Variants in RGS22 observed in about 807,000 individuals in gnomAD.
RGS22 encodes the protein regulator of G-protein signaling 22.
RGS22 carries 148 observed loss-of-function variants against 172.9 expected under a neutral mutation model. The observed-to-expected ratio is 0.86, with a 90% CI of 0.75 to 0.98. RGS22 has a LOEUF of 0.98. Ranked by LOEUF, RGS22 falls within the 50% of genes least tolerant of loss-of-function variation. The pLI, the probability that RGS22 is intolerant of heterozygous loss-of-function variation, is 0.00. For missense variants in RGS22, 1,347 were observed against 1,440.8 expected (o/e 0.93, Z 1.05); for synonymous variants, 458 against 480.2 (o/e 0.95, Z 0.60).
chr8:100,093,735 T>C (rs1007385818), intron 2 of RGS22, among the ~76,000 whole-genome samples: 1 of 152,184 alleles, frequency 6.6e-6, no homozygotes. Context: ...GGGCATACTC[T>C]TAAAACACTT....
chr8:100,057,172 G>A (rs779485852), intron 9 of RGS22, among the ~76,000 whole-genome samples: 10 of 152,158 alleles, frequency 6.6e-5, no homozygotes, highest in African/African-American at 1.4e-4. Context: ...TAGCCCTTTC[G>A]TTTTGGCCAA....
At chr8:99,992,401 A>G (rs1813853966) in intron 20 of RGS22, among the ~76,000 whole-genome samples, 1 of 152,248 alleles carries the variant, frequency 6.6e-6, no homozygotes, top group Non-Finnish European at 1.5e-5. Flanking sequence ...ACATAGGTTA[A>G]AAATAAAGGG....
chr8:100,029,759 A>G (rs1818592446), intron 14 of RGS22, among the ~76,000 whole-genome samples: 2 of 151,748 alleles, frequency 1.3e-5, no homozygotes, highest in Admixed American at 1.3e-4. Flanking sequence ...ATACCTATGT[A>G]AAAAACCTGC....
chr8:100,082,690 A>C (rs1811852067), intron 3 of RGS22, among the ~76,000 whole-genome samples: 1 of 152,244 alleles, frequency 6.6e-6, no homozygotes, highest in Non-Finnish European at 1.5e-5. Flanking sequence ...TCCCAAAGAC[A>C]GAACATTTCC....
At chr8:100,055,560 A>G (rs1822154674) in intron 9 of RGS22, among the ~76,000 whole-genome samples, 1 of 152,186 alleles carries the variant, frequency 6.6e-6, no homozygotes, top group African/African-American at 2.4e-5. Context: ...TATCTACCTC[A>G]TATGGTTTGG....
chr8:100,097,245 C>T (rs1813048804), intron 2 of RGS22, among the ~76,000 whole-genome samples: 1 of 152,136 alleles, frequency 6.6e-6, no homozygotes, highest in South Asian at 2.1e-4. Context: ...TTGGATTACA[C>T]AAGTGTATAC....
At chr8:99,976,061 G>C (rs960564202) in intron 23 of RGS22, among the ~76,000 whole-genome samples, 20 of 152,128 alleles carry the variant, frequency 1.3e-4, no homozygotes, top group Admixed American at 1.2e-3. Context: ...ATGGTGGCAT[G>C]TGCCTGTAGT....
At chr8:100,083,651 C>A (rs1457399350) in intron 3 of RGS22, among the ~76,000 whole-genome samples, 2 of 151,868 alleles carry the variant, frequency 1.3e-5, no homozygotes, top group Admixed American at 1.3e-4. Flanking sequence ...CAGGCATAAG[C>A]CACTGTGCCC....
chr8:100,040,982 A>G (rs1432988690), intron 12 of RGS22, among the ~76,000 whole-genome samples: 4 of 152,190 alleles, frequency 2.6e-5, no homozygotes, highest in Admixed American at 1.3e-4. Flanking sequence ...ATTTTAGTAG[A>G]AAAAAACAGT....
chr8:99,972,552 C>T (rs555705777), intron 23 of RGS22, among the ~76,000 whole-genome samples: 9 of 152,224 alleles, frequency 5.9e-5, no homozygotes, highest in Middle Eastern at 6.8e-3. Flanking sequence ...AACAAATTTA[C>T]AGGGAAAAAA....
At chr8:99,975,678 T>G (rs1235942043) in intron 23 of RGS22, among the ~76,000 whole-genome samples, 1 of 152,066 alleles carries the variant, frequency 6.6e-6, no homozygotes, top group Non-Finnish European at 1.5e-5. Context: ...TACATCTTTG[T>G]GCATGTTTAT....
intron 4 of RGS22, among the ~76,000 whole-genome samples, chr8:100,074,777 G>GT (rs1044596997): frequency 6.0e-5 from 9 of 151,182 alleles, no homozygotes; most frequent in African/African-American, 1.2e-4. Context: ...GTTTTTTGTG[G>GT]TTTTTTTTGA....
intron 11 of RGS22, among the ~76,000 whole-genome samples, chr8:100,043,817 C>G (rs1201308814): frequency 2.0e-5 from 3 of 150,900 alleles, no homozygotes; most frequent in African/African-American, 7.3e-5. Flanking sequence ...ACCACAAAAA[C>G]AACAAAAATC....
intron 14 of RGS22, among the ~76,000 whole-genome samples, chr8:100,035,019 C>G (rs576842110): frequency 1.3e-4 from 20 of 151,990 alleles, no homozygotes; most frequent in Non-Finnish European, 2.5e-4. Flanking sequence ...AGAAAACATA[C>G]GCAATACCAT....
At chr8:100,022,438 GA>G (rs1308234119) in intron 14 of RGS22, among the ~76,000 whole-genome samples, 2 of 151,792 alleles carry the variant, frequency 1.3e-5, no homozygotes, top group African/African-American at 4.8e-5. Flanking sequence ...ACAAACCAGG[GA>G]CAAAAAAGGC....
intron 2 of RGS22, among the ~76,000 whole-genome samples, chr8:100,096,969 C>T (rs947733461): frequency 1.3e-5 from 2 of 152,038 alleles, no homozygotes; most frequent in Admixed American, 6.5e-5. Context: ...GAAGGAAAGA[C>T]GTTATCTGGT....
chr8:100,054,016 G>A (rs1225841799), intron 9 of RGS22, among the ~76,000 whole-genome samples: 1 of 152,072 alleles, frequency 6.6e-6, no homozygotes, highest in Non-Finnish European at 1.5e-5. Flanking sequence ...TAAATTTGAA[G>A]GTAAGAATTA....
chr8:99,963,608 T>A (rs1298526701), intron 24 of RGS22, among the ~76,000 whole-genome samples: 6 of 152,150 alleles, frequency 3.9e-5, no homozygotes, highest in Non-Finnish European at 7.4e-5. Flanking sequence ...AGATCAAAAA[T>A]ATTTTTAAAA....
chr8:100,071,011 G>A (rs2131841415), intron 6 of RGS22, among the ~76,000 whole-genome samples: 1 of 152,316 alleles, frequency 6.6e-6, no homozygotes, highest in Admixed American at 6.5e-5. Flanking sequence ...GGCCAGGCGT[G>A]GTAGCTTACG....
Sources: gnomAD v4.1 joint callset for allele counts (sites outside exome capture counted in the v4.1 genomes callset) on GRCh38, gnomAD v4.1.1 for gene constraint, MANE v1.5 for transcripts, NCBI Gene and HGNC (gene_info 2026-07-23, HGNC 2026-07-21) for gene names.